Variants in TRERF1 observed in about 807,000 individuals in gnomAD.
TRERF1 encodes transcriptional-regulating factor 1.
In TRERF1, 27 loss-of-function variants were observed where a neutral mutation model predicts 122.9. That is an observed-to-expected ratio of 0.22 (90% CI 0.16 to 0.30). The LOEUF (loss-of-function observed/expected upper bound fraction) is 0.30. TRERF1 is among the 10% of genes least tolerant of loss of function. The pLI, the probability that TRERF1 is intolerant of heterozygous loss-of-function variation, is 1.00. For synonymous variants in TRERF1, 636 were observed against 641.7 expected (o/e 0.99, Z 0.13); for missense variants, 1,248 against 1,560.3 (o/e 0.80, Z 3.37).
intron 3 of TRERF1, among the ~76,000 whole-genome samples, chr6:42,334,027 G>A (rs1034920582): frequency 8.1e-4 from 97 of 119,706 alleles, no homozygotes; most frequent in African/African-American, 3.0e-3. Context: ...ACACACACAC[G>A]TATGTACACA....
chr6:42,385,329 C>T (rs1776613360), intron 2 of TRERF1, among the ~76,000 whole-genome samples: 1 of 152,148 alleles, frequency 6.6e-6, no homozygotes, highest in East Asian at 1.9e-4. Flanking sequence ...CAAGAATACA[C>T]AAGGAGCTCA....
chr6:42,302,162 G>A (rs2150260092), intron 3 of TRERF1, among the ~76,000 whole-genome samples: 2 of 152,292 alleles, frequency 1.3e-5, no homozygotes, highest in South Asian at 4.2e-4. Flanking sequence ...AAAATGCACT[G>A]GGACATTTCA....
At chr6:42,265,849 T>C in intron 5 of TRERF1, 52 bp from the exon 6 acceptor site, 1 of 1,591,674 alleles carries the variant, frequency 6.3e-7, no homozygotes, top group African/African-American at 1.3e-5. Context: ...AAAAACGTGT[T>C]CTGAAGGGAG....
chr6:42,428,029 T>C lies in TRERF1; in HGVS notation c.-454+23148A>G, dbSNP rs150354742. Among the ~76,000 whole-genome samples the C allele has an allele frequency of 1.9e-3, 283 of 152,248 alleles. 5 individuals carry two copies. The East Asian group carries it at 0.048, about 26-fold the overall frequency. On this transcript the variant is annotated intron_variant, in intron 2 of 17. Coordinates refer to ENST00000372922, the Ensembl canonical transcript of TRERF1. Reference sequence around the variant, plus strand: ...GCAGTGGGAAACAGCTGGTAAGAGCTTGGCATGACATCTAGGGCCGGAAAT... The same window carrying C: ...GCAGTGGGAAACAGCTGGTAAGAGCCTGGCATGACATCTAGGGCCGGAAAT...
intron 2 of TRERF1, among the ~76,000 whole-genome samples, chr6:42,403,168 AG>A (rs1171234868): frequency 1.3e-5 from 2 of 152,100 alleles, no homozygotes; most frequent in African/African-American, 4.8e-5. Context: ...TCCCCAAAAA[AG>A]GCCATGAAAG....
At chr6:42,351,480 C>A (rs548572104) in intron 3 of TRERF1, among the ~76,000 whole-genome samples, 2 of 152,258 alleles carry the variant, frequency 1.3e-5, no homozygotes, top group East Asian at 3.9e-4. Context: ...GAAATGTTCA[C>A]AAAATTATGC....
chr6:42,263,449 G>T lies in TRERF1; in HGVS notation c.1755C>A (p.Pro585=). The change falls in exon 8 of 18, where the codon CCC becomes CCA. Residue 585 remains proline (P), a synonymous_variant. Transcript: ENST00000372922. The surrounding 1 kb of genome is among the most constrained non-coding windows in gnomAD (Gnocchi z 5.6). Reference sequence around the variant, plus strand: ...GGAGAAGCTTGACAGGGACAGACACGGGCATGACCATAGGCGTGAGGCTTT... The same window carrying T: ...GGAGAAGCTTGACAGGGACAGACACTGGCATGACCATAGGCGTGAGGCTTT... The T allele has an allele frequency of 6.2e-7, 1 of 1,608,586 alleles. No individual in the cohort carries two copies. Among genetic ancestry groups the T allele is most frequent in the Non-Finnish European group, 8.5e-7 (1 of 1,177,192 alleles).
chr6:42,407,321 G>T (rs540390622), intron 2 of TRERF1, among the ~76,000 whole-genome samples: 2 of 152,110 alleles, frequency 1.3e-5, no homozygotes, highest in Non-Finnish European at 2.9e-5. Flanking sequence ...ACCGTTATTC[G>T]CAATGACTCT....
chr6:42,245,468 G>A (rs142388561), intron 14 of TRERF1, among the ~76,000 whole-genome samples: 5 of 152,286 alleles, frequency 3.3e-5, no homozygotes, highest in African/African-American at 4.8e-5. Flanking sequence ...TATCAACTGC[G>A]CCCTGTTCTT....
At chr6:42,403,305 ATAGT>A (rs1449810501) in intron 2 of TRERF1, among the ~76,000 whole-genome samples, 3 of 152,202 alleles carry the variant, frequency 2.0e-5, no homozygotes, top group Non-Finnish European at 4.4e-5. Context: ...CTTTGCAGAC[ATAGT>A]TAGTTAAGAT....
chr6:42,344,584 G>C (rs943278530), intron 3 of TRERF1, among the ~76,000 whole-genome samples: 3 of 152,084 alleles, frequency 2.0e-5, no homozygotes, highest in Admixed American at 1.3e-4. Context: ...TCAAGCCCGG[G>C]CCATCTTTTC....
At chr6:42,366,948 AT>A (rs1046732377) in intron 2 of TRERF1, among the ~76,000 whole-genome samples, 3 of 152,128 alleles carry the variant, frequency 2.0e-5, no homozygotes, top group African/African-American at 4.8e-5. Flanking sequence ...TGTCACCAAG[AT>A]GCCCCATAAG....
In TRERF1 at chr6:42,387,330, C is replaced by T. The variant is rs56272440; in HGVS notation, c.-453-24251G>A. On this transcript the variant is annotated intron_variant, in intron 2 of 17. Coordinates refer to ENST00000372922, the Ensembl canonical transcript of TRERF1. ...TCACACGCTGCAAACTTCTTACTAG[C>T]GAAGTCCAAGCCTGCCTAAGGGCCG... is the stretch of plus-strand genomic sequence containing the variant. 7.5e-3 allele frequency among the ~76,000 whole-genome samples: 1,146 copies of T among 152,326 alleles called. 31 individuals carry two copies. The East Asian group carries it at 0.1, about 14-fold the overall frequency.
chr6:42,299,239 T>A lies in TRERF1; in HGVS notation c.-259+1399A>T, dbSNP rs182227188. On this transcript the variant is annotated intron_variant, in intron 4 of 17. Transcript: ENST00000372922. ...CTATCTATCTATCTATCTATCTATC[T>A]ATCATCTATCCAGGTAGCTAGCTGG... Among the ~76,000 whole-genome samples, 309 of 151,076 alleles carry A rather than the reference T, an allele frequency of 2.0e-3. 1 individual carries two copies. Among genetic ancestry groups the A allele is most frequent in the African/African-American group, 7.2e-3 (298 of 41,246 alleles).
Position 42,259,824 on chromosome 6 carries a change from C to G in TRERF1, c.1885-101G>C. On this transcript the variant is annotated intron_variant, in intron 8 of 17. Transcript: ENST00000372922. The surrounding 1 kb of genome is among the most constrained non-coding windows in gnomAD (Gnocchi z 4.9). ...GGCCTTCTACTGTCTAAGCAGAGAG[C>G]CCTTCTGCTTGACCCCCCCACCCCC... is the stretch of plus-strand genomic sequence containing the variant. 6.7e-7 allele frequency: 1 copy of G among 1,502,030 alleles called. No homozygotes were observed. The highest frequency in any genetic ancestry group is 8.9e-7 in the Non-Finnish European group (1 of 1,120,778). The allele number at this position is 1,502,030 out of a possible 1,614,324, so 93.0% of individuals were successfully genotyped here. A position where few individuals can be genotyped will look rare whatever the true frequency, so the allele number is the denominator to read the frequency against.
At chr6:42,408,270 T>C (rs868328135) in intron 2 of TRERF1, among the ~76,000 whole-genome samples, 1 of 143,332 alleles carries the variant, frequency 7.0e-6, no homozygotes, top group Non-Finnish European at 1.5e-5. Flanking sequence ...TGTGTGTATG[T>C]ATATATACAT....
At position 42,378,399 on chromosome 6, in the gene TRERF1, A is replaced by C. The variant is rs191690395; in HGVS notation, c.-453-15320T>G. ...CCAAGAAGAAAAAAGAAAAAAAAAA[A>C]ACCCACATTTACTAAAGTAACCGGC... On this transcript the variant is annotated intron_variant, in intron 2 of 17. Transcript: ENST00000372922. 4.3e-3 allele frequency among the ~76,000 whole-genome samples: 658 copies of C among 151,376 alleles called. 3 individuals carry two copies. The highest frequency in any genetic ancestry group is 0.015 in the African/African-American group (609 of 40,732).
chr6:42,298,173 T>A (rs913219410), intron 4 of TRERF1, among the ~76,000 whole-genome samples: 2 of 152,014 alleles, frequency 1.3e-5, no homozygotes, highest in Admixed American at 6.5e-5. Context: ...TTGTTTTTTT[T>A]GAGACAAAGT....
chr6:42,363,355 G>T (rs750159985), intron 2 of TRERF1, among the ~76,000 whole-genome samples: 2 of 152,134 alleles, frequency 1.3e-5, no homozygotes, highest in East Asian at 3.8e-4. Context: ...CACACCCCAC[G>T]TCTAATCCAT....
Sources: gnomAD v4.1 joint callset for allele counts (sites outside exome capture counted in the v4.1 genomes callset) on GRCh38, gnomAD v4.1.1 for gene constraint, Gnocchi (gnomAD v3.1) non-coding constraint, MANE v1.5 for transcripts, NCBI Gene and HGNC (gene_info 2026-07-23, HGNC 2026-07-21) for gene names.